Variants in ASIC2 observed in about 807,000 individuals in gnomAD.
ASIC2 encodes the protein acid sensing ion channel subunit 2, also known as acid-sensing ion channel 2.
A neutral mutation model predicts 57.3 loss-of-function variants in ASIC2; 25 were observed. The ratio of observed to expected loss-of-function variants is 0.44; its 90% CI spans 0.32 to 0.61. ASIC2 has a LOEUF of 0.61. ASIC2 is among the 20% of genes least tolerant of loss of function. ASIC2 has a pLI of 0.06. For missense variants in ASIC2, 641 were observed against 738.1 expected (o/e 0.87, Z 1.52); for synonymous variants, 319 against 307.5 (o/e 1.04, Z -0.39).
At chr17:33,954,659 T>A (rs887631878) in intron 1 of ASIC2, among the ~76,000 whole-genome samples, 19 of 152,180 alleles carry the variant, frequency 1.2e-4, no homozygotes, top group African/African-American at 4.3e-4. Context: ...AGGACAAGGG[T>A]AGCCTGATTC....
intron 1 of ASIC2, among the ~76,000 whole-genome samples, chr17:33,336,045 G>T (rs1597688268): frequency 6.6e-6 from 1 of 152,132 alleles, no homozygotes; most frequent in Admixed American, 6.5e-5. Flanking sequence ...GGAGGGGTGA[G>T]GGGCTGGGGC....
intron 1 of ASIC2, among the ~76,000 whole-genome samples, chr17:33,130,416 G>A (rs1001994571): frequency 1.5e-4 from 23 of 152,088 alleles, no homozygotes; most frequent in African/African-American, 5.6e-4. Flanking sequence ...TAAACTATTC[G>A]ATCTAGCTTG....
chr17:34,018,939 G>A (rs184546966), intron 1 of ASIC2, among the ~76,000 whole-genome samples: 43 of 151,546 alleles, frequency 2.8e-4, no homozygotes, highest in East Asian at 2.5e-3. Context: ...ACGGAGTCTC[G>A]CTCTGTCACC....
chr17:34,004,036 C>A (rs1391866658), intron 1 of ASIC2: 1 of 152,180 alleles, frequency 6.6e-6, no homozygotes, highest in Non-Finnish European at 1.5e-5. Context: ...TGAGTGCCTT[C>A]CTGAAAGACC....
intron 1 of ASIC2, among the ~76,000 whole-genome samples, chr17:33,591,853 G>A (rs1156645624): frequency 1.3e-5 from 2 of 152,052 alleles, no homozygotes; most frequent in African/African-American, 4.8e-5. Context: ...TACAGCTTTT[G>A]TTTTAGTTTG....
At chr17:33,844,288 C>T (rs7222026) in intron 1 of ASIC2, among the ~76,000 whole-genome samples, 1,526 of 151,944 alleles carry the variant, frequency 0.01, 22 homozygotes, top group African/African-American at 0.03. Flanking sequence ...GTAGGATGAC[C>T]GTGGCATTTG....
intron 1 of ASIC2, among the ~76,000 whole-genome samples, chr17:33,800,202 T>C (rs1912090653): frequency 6.6e-6 from 1 of 152,180 alleles, no homozygotes. Flanking sequence ...TCCAAGCTCT[T>C]AGACCAGGAC....
intron 1 of ASIC2, among the ~76,000 whole-genome samples, chr17:33,333,314 C>A (rs1221158831): frequency 6.6e-6 from 1 of 152,150 alleles, no homozygotes; most frequent in Non-Finnish European, 1.5e-5. Context: ...CTTATCCGGG[C>A]CTTATTTATA....
chr17:33,297,838 A>G (rs960426325), upstream of ASIC2, among the ~76,000 whole-genome samples: 3 of 141,028 alleles, frequency 2.1e-5, no homozygotes, highest in African/African-American at 9.1e-5. Context: ...AAATAAATAA[A>G]TAAATAAATA....
chr17:33,579,057 G>T lies in ASIC2; in HGVS notation c.556-466990C>A, dbSNP rs111753124. ...TCCCAGCACTTTGGGAGGTCGAAGC[G>T]GGTGGATCACTTGAGGTCAGGGATT... On this transcript the variant is annotated intron_variant, in intron 1 of 9. Coordinates refer to the ASIC2 transcript ENST00000359872. 7.4e-3 allele frequency among the ~76,000 whole-genome samples: 1,123 copies of T among 152,110 alleles called. 18 individuals are homozygous for T. Among genetic ancestry groups the T allele is most frequent in the African/African-American group, 0.026 (1,073 of 41,492 alleles).
chr17:34,140,656 G>A (rs1385400846), intron 1 of ASIC2, among the ~76,000 whole-genome samples: 1 of 152,162 alleles, frequency 6.6e-6, no homozygotes, highest in East Asian at 1.9e-4. Context: ...GCTGGAAGGG[G>A]TTCCCAAATG....
At chr17:33,790,510 G>A (rs1241161812) in intron 1 of ASIC2, among the ~76,000 whole-genome samples, 1 of 152,120 alleles carries the variant, frequency 6.6e-6, no homozygotes, top group East Asian at 1.9e-4. Flanking sequence ...AAAATTTGCA[G>A]CCTCTTGTGA....
At chr17:33,579,051 C>G (rs924029502) in intron 1 of ASIC2, among the ~76,000 whole-genome samples, 4 of 151,924 alleles carry the variant, frequency 2.6e-5, no homozygotes, top group Non-Finnish European at 5.9e-5. Flanking sequence ...TTTGGGAGGT[C>G]GAAGCGGGTG....
At chr17:33,786,132 T>C (rs924236082) in intron 1 of ASIC2, among the ~76,000 whole-genome samples, 1 of 152,120 alleles carries the variant, frequency 6.6e-6, no homozygotes, top group Non-Finnish European at 1.5e-5. Flanking sequence ...CCCTTGATCA[T>C]GTTGGCATAA....
chr17:33,503,696 A>C (rs1012508675), intron 1 of ASIC2, among the ~76,000 whole-genome samples: 1 of 152,198 alleles, frequency 6.6e-6, no homozygotes, highest in Non-Finnish European at 1.5e-5. Flanking sequence ...ACCAGAAGGC[A>C]GTTCAAAAAT....
At chr17:34,099,133 AGAGAGAGAGAGACAGAGAGAGAGAG>A (rs1910673244) in intron 1 of ASIC2, among the ~76,000 whole-genome samples, 1 of 23,416 alleles carries the variant, frequency 4.3e-5, no homozygotes, top group African/African-American at 1.1e-4. Flanking sequence ...AGAGAGAGAG[AGAGAGAGAGAGACAGAGAGAGAGAG>A]AGAGAGAAAG....
chr17:33,180,273 G>A (rs901171024), intron 1 of ASIC2, among the ~76,000 whole-genome samples: 1 of 152,196 alleles, frequency 6.6e-6, no homozygotes, highest in Non-Finnish European at 1.5e-5. Flanking sequence ...AGTTAAAGGA[G>A]GTAATTTGTT....
chr17:33,774,681 T>C (rs1197286077), intron 1 of ASIC2, among the ~76,000 whole-genome samples: 3 of 152,132 alleles, frequency 2.0e-5, no homozygotes, highest in African/African-American at 7.2e-5. Flanking sequence ...TAAATGGGAG[T>C]TTGGAGACAT....
intron 1 of ASIC2, among the ~76,000 whole-genome samples, chr17:33,920,049 G>A (rs1915674851): frequency 6.6e-6 from 1 of 152,136 alleles, no homozygotes; most frequent in Admixed American, 6.5e-5. Flanking sequence ...CAGAGAAAAG[G>A]GAACACTTAT....
Sources: allele counts gnomAD v4.1 joint callset (sites outside exome capture counted in the v4.1 genomes callset), GRCh38; gene constraint gnomAD v4.1.1; transcripts MANE v1.5; gene names NCBI Gene and HGNC (gene_info 2026-07-23, HGNC 2026-07-21).